LARGE1: variants seen among roughly 807,000 people sequenced by gnomAD.
LARGE1 encodes xylosyl- and glucuronyltransferase LARGE1.
Under a neutral mutation model 87.6 loss-of-function variants are expected in LARGE1, and 43 were observed. The ratio of observed to expected loss-of-function variants is 0.49; its 90% CI spans 0.38 to 0.63. LARGE1 has a LOEUF of 0.63. Ranked by LOEUF, LARGE1 falls within the 30% of genes least tolerant of loss-of-function variation. The probability of loss-of-function intolerance (pLI) is 0.00; values close to 1 mark genes in which losing one functional copy is unlikely to be tolerated. For synonymous variants in LARGE1, 434 were observed against 394.6 expected, an observed-to-expected ratio of 1.10 and a Z score of -1.18; for missense variants, 802 against 1,000.2, an observed-to-expected ratio of 0.80 and a Z score of 2.67.
At chr22:33,208,867 T>C (rs112097977) in intron 11 of LARGE1, among the ~76,000 whole-genome samples, 33,372 of 151,974 alleles carry the variant, frequency 0.22, 4,015 homozygotes, top group Middle Eastern at 0.34. Flanking sequence ...TGATAGCTTC[T>C]AGCTTCATCC....
rs1052556975 is a variant in LARGE1 at position 33,480,793 on chromosome 22, T to C, written c.788-48528A>G. On this transcript the variant is annotated intron_variant, in intron 6 of 14. Coordinates refer to ENST00000397394, the MANE Select transcript of LARGE1 (RefSeq NM_133642.5). ...TTTATTATGTGTTTAGATATACAGA[T>C]ATATTTTGACAAAAACAGGATAACG... 5.3e-5 allele frequency among the ~76,000 whole-genome samples: 8 copies of C among 152,226 alleles called. 1 individual carries two copies. The highest frequency in any genetic ancestry group is 4.1e-4 in the South Asian group (2 of 4,830).
chr22:33,754,728 T>C (rs975345806), intron 2 of LARGE1, among the ~76,000 whole-genome samples: 3 of 152,220 alleles, frequency 2.0e-5, no homozygotes, highest in African/African-American at 7.2e-5. Context: ...GTTCTTATAC[T>C]CCATAATATC....
At chr22:33,794,218 G>A (rs2085911936) in intron 1 of LARGE1, among the ~76,000 whole-genome samples, 1 of 152,138 alleles carries the variant, frequency 6.6e-6, no homozygotes, top group African/African-American at 2.4e-5. Context: ...AATGCTGGTG[G>A]AGACTGTGCA....
chr22:33,461,501 G>A (rs7291291), intron 6 of LARGE1, among the ~76,000 whole-genome samples: 18 of 151,958 alleles, frequency 1.2e-4, no homozygotes, highest in African/African-American at 4.3e-4. Flanking sequence ...TCACACACTG[G>A]GGCCTGTCAT....
intron 10 of LARGE1, among the ~76,000 whole-genome samples, chr22:33,322,270 A>G (rs553365751): frequency 1.3e-5 from 2 of 152,332 alleles, no homozygotes; most frequent in Admixed American, 1.3e-4. Context: ...TTTCTGAACC[A>G]TCTGAACCTA....
chr22:33,870,594 C>T (rs113584053), intron 1 of LARGE1, among the ~76,000 whole-genome samples: 2 of 152,164 alleles, frequency 1.3e-5, no homozygotes, highest in South Asian at 2.1e-4. Context: ...TGTTTGAGAC[C>T]GTCTCGTTCT....
chr22:33,688,918 C>A, intron 2 of LARGE1, among the ~76,000 whole-genome samples: 1 of 152,164 alleles, frequency 6.6e-6, no homozygotes, highest in East Asian at 1.9e-4. Flanking sequence ...TTCCACCACT[C>A]CTGAACCTCC....
intron 1 of LARGE1, among the ~76,000 whole-genome samples, chr22:33,827,392 G>A (rs1317037766): frequency 2.6e-5 from 4 of 151,960 alleles, no homozygotes; most frequent in Middle Eastern, 3.2e-3. Context: ...TTACTGAAAA[G>A]AAGGTCCTAT....
At chr22:33,192,025 ACTT>A (rs933920732) in intron 11 of LARGE1, among the ~76,000 whole-genome samples, 4 of 152,198 alleles carry the variant, frequency 2.6e-5, no homozygotes, top group Non-Finnish European at 5.9e-5. Flanking sequence ...ATCTAAATAT[ACTT>A]CTTATTTTCC....
the LARGE1 span, among the ~76,000 whole-genome samples, chr22:33,124,717 C>G: frequency 6.7e-4 from 102 of 152,292 alleles, 1 homozygote; most frequent in Admixed American, 1.9e-3. Context: ...AACTCAAGAG[C>G]AAGGCTGGGC....
intron 14 of LARGE1, among the ~76,000 whole-genome samples, chr22:33,276,810 G>A (rs1234906467): frequency 1.3e-5 from 2 of 152,186 alleles, no homozygotes; most frequent in Non-Finnish European, 2.9e-5. Context: ...AGGATGAGAA[G>A]ATGAAATGGT....
intron 13 of LARGE1, among the ~76,000 whole-genome samples, chr22:33,278,553 T>TCTCACACACACACACACA (rs1304691630): frequency 6.7e-6 from 1 of 148,670 alleles, no homozygotes; most frequent in Admixed American, 6.7e-5. Flanking sequence ...TCTCTCTCTC[T>TCTCACACACACACACACA]CACACACACA....
At chr22:33,609,342 T>C (rs1233071029) in intron 4 of LARGE1, among the ~76,000 whole-genome samples, 2 of 152,176 alleles carry the variant, frequency 1.3e-5, no homozygotes, top group Non-Finnish European at 2.9e-5. Context: ...CAACAGGTAA[T>C]ATGCAGGACA....
intron 11 of LARGE1, among the ~76,000 whole-genome samples, chr22:33,223,596 G>C (rs1350470033): frequency 6.6e-6 from 1 of 152,076 alleles, no homozygotes; most frequent in African/African-American, 2.4e-5. Context: ...TACCATATTA[G>C]GGAAAAAGGT....
intron 7 of LARGE1, among the ~76,000 whole-genome samples, chr22:33,403,229 C>G (rs140384805): frequency 2.0e-5 from 3 of 152,290 alleles, no homozygotes; most frequent in African/African-American, 7.2e-5. Context: ...TACAGTAGGT[C>G]TACTCAATAC....
At chr22:33,335,087 C>T (rs1938281884) in intron 10 of LARGE1, among the ~76,000 whole-genome samples, 1 of 152,184 alleles carries the variant, frequency 6.6e-6, no homozygotes. Flanking sequence ...TCCTGCAAGG[C>T]TTTTTATGGG....
chr22:33,267,440 A>G (rs1011455488), intron 11 of LARGE1, among the ~76,000 whole-genome samples: 2 of 151,630 alleles, frequency 1.3e-5, no homozygotes, highest in African/African-American at 4.9e-5. Context: ...TCTTCCATCA[A>G]TTTCTTTCTG....
At chr22:33,392,591 G>C (rs1459664567) in intron 7 of LARGE1, among the ~76,000 whole-genome samples, 1 of 152,096 alleles carries the variant, frequency 6.6e-6, no homozygotes, top group Non-Finnish European at 1.5e-5. Flanking sequence ...CCTGGGAGGC[G>C]GATGTTGTGG....
At chr22:33,848,116 G>A (rs546495357) in intron 1 of LARGE1, among the ~76,000 whole-genome samples, 12 of 152,202 alleles carry the variant, frequency 7.9e-5, no homozygotes, top group South Asian at 2.1e-4. Flanking sequence ...AGCCAGAGAC[G>A]TGAGCAATCA....
Sources: gnomAD v4.1 joint callset for allele counts (sites outside exome capture counted in the v4.1 genomes callset) on GRCh38, gnomAD v4.1.1 for gene constraint, MANE v1.5 for transcripts, NCBI Gene and HGNC (gene_info 2026-07-23, HGNC 2026-07-21) for gene names.